The following EPC2 variants were observed in gnomAD, a reference collection of about 807,000 sequenced individuals.
EPC2 encodes enhancer of polycomb homolog 2.
EPC2 carries 14 observed loss-of-function variants against 92.1 expected under a neutral mutation model. That is an observed-to-expected ratio of 0.15 (90% CI 0.10 to 0.24). The LOEUF (loss-of-function observed/expected upper bound fraction) is 0.24, where lower values mean the gene tolerates loss of function less well. Ranked by LOEUF, EPC2 falls within the 10% of genes least tolerant of loss-of-function variation. The probability of loss-of-function intolerance (pLI) is 1.00; values close to 1 mark genes in which losing one functional copy is unlikely to be tolerated. For missense variants in EPC2, 755 were observed against 971.5 expected (o/e 0.78, Z 2.96); for synonymous variants, 340 against 334.7 (o/e 1.02, Z -0.17).
chr2:148,679,433 T>C (rs1200717954), intron 1 of EPC2, among the ~76,000 whole-genome samples: 1 of 152,200 alleles, frequency 6.6e-6, no homozygotes, highest in Non-Finnish European at 1.5e-5. Context: ...AAGCACATGA[T>C]TGCAGAGGCT....
chr2:148,714,218 C>G (rs1682213484), intron 2 of EPC2, among the ~76,000 whole-genome samples: 1 of 152,138 alleles, frequency 6.6e-6, no homozygotes. Flanking sequence ...CAGCTCCATT[C>G]ATGTCCCTGC....
At chr2:148,730,184 A>G (rs551506647) in intron 2 of EPC2, among the ~76,000 whole-genome samples, 1 of 152,328 alleles carries the variant, frequency 6.6e-6, no homozygotes, top group Non-Finnish European at 1.5e-5. Context: ...AGTCTGGAAG[A>G]TTCAACATGA....
chr2:148,775,633 TTTAA>T (rs1032023345), intron 10 of EPC2, among the ~76,000 whole-genome samples: 5 of 10,838 alleles, frequency 4.6e-4, no homozygotes, highest in East Asian at 7.6e-3. Flanking sequence ...ATTAAATATC[TTTAA>T]TTAAATAAAA....
chr2:148,649,047 C>A (rs1680586218), intron 1 of EPC2, among the ~76,000 whole-genome samples: 1 of 152,184 alleles, frequency 6.6e-6, no homozygotes, highest in African/African-American at 2.4e-5. Flanking sequence ...GATCAGGCAG[C>A]CAGCGGTTCT....
At chr2:148,770,695 A>G in intron 8 of EPC2, 97 bp from the exon 9 acceptor site, 4 of 1,240,338 alleles carry the variant, frequency 3.2e-6, no homozygotes, top group Non-Finnish European at 2.1e-6. Flanking sequence ...TTGTTCTGCT[A>G]ATGTTGCAGT....
At chr2:148,704,912 T>C (rs1057334363) in intron 2 of EPC2, among the ~76,000 whole-genome samples, 8 of 151,886 alleles carry the variant, frequency 5.3e-5, no homozygotes, top group Non-Finnish European at 1.0e-4. Context: ...CTTTTTCTTT[T>C]TTTTTTTTCT....
chr2:148,684,665 G>T (rs74637829), intron 1 of EPC2, among the ~76,000 whole-genome samples: 1 of 152,112 alleles, frequency 6.6e-6, no homozygotes, highest in Non-Finnish European at 1.5e-5. Flanking sequence ...AGATACCCAC[G>T]TTGCCTCAAA....
chr2:148,655,021 A>G (rs1337888287), intron 1 of EPC2, among the ~76,000 whole-genome samples: 1 of 152,200 alleles, frequency 6.6e-6, no homozygotes, highest in Non-Finnish European at 1.5e-5. Context: ...TTCTTGGATG[A>G]ACACTTTTGT....
chr2:148,772,272 CTCTT>C (rs1359970555), intron 10 of EPC2, among the ~76,000 whole-genome samples: 2 of 152,046 alleles, frequency 1.3e-5, no homozygotes, highest in African/African-American at 2.4e-5. Flanking sequence ...CTTCTGTGGT[CTCTT>C]TATCACATGT....
intron 10 of EPC2, among the ~76,000 whole-genome samples, chr2:148,777,579 C>T (rs1274676991): frequency 1.3e-5 from 2 of 152,124 alleles, no homozygotes; most frequent in Non-Finnish European, 2.9e-5. Context: ...CCTGTGGGCA[C>T]AAGCTTGAGA....
rs551755231 is a variant in EPC2, at chr2:148,783,516, C to T, written c.1858-81C>T. 6.7e-6 allele frequency: 9 copies of T among 1,336,896 alleles called. No individual in the cohort carries two copies. In the Admixed American group the frequency reaches 1.1e-4, roughly 16 times the overall value. 82.8% of individuals were successfully genotyped at this position (1,336,896 alleles called of 1,614,324 possible). ...TGTTCAAGGTTAGAAAGGCAACAGCCTCTTGGGTTTGCCCCATCCCTTAAT... is the reference window on the plus strand; with the variant it reads ...TGTTCAAGGTTAGAAAGGCAACAGCTTCTTGGGTTTGCCCCATCCCTTAAT... On this transcript the variant is annotated intron_variant, in intron 11 of 13. Coordinates refer to ENST00000258484, the MANE Select transcript of EPC2 (RefSeq NM_015630.4).
rs554460223 is a variant in EPC2 at position 148,664,390 on chromosome 2, C to T, written c.153+19220C>T. 2.6e-4 allele frequency among the ~76,000 whole-genome samples: 40 copies of T among 152,142 alleles called. 1 individual carries two copies. In the South Asian group the frequency reaches 7.5e-3, roughly 28 times the overall value. Reference sequence around the variant, plus strand: ...GCTGTGTGCTGTAGTCCCAGCTACTCGGGAGGCTGAGGTGCAAGGATCACT... The same window carrying T: ...GCTGTGTGCTGTAGTCCCAGCTACTTGGGAGGCTGAGGTGCAAGGATCACT... On this transcript the variant is annotated intron_variant, in intron 1 of 13. Transcript: ENST00000258484.
Position 148,781,778 on chromosome 2 carries a change from C to G in EPC2, c.1855C>G (p.Gln619Glu), listed in dbSNP as rs747887249. The stretch of plus-strand genomic sequence containing the variant: ...CTCGCAACAGACACATCCAAAAGCA[C>G]AGGTAAACTGCTCTTTTCGTCATAG... Reference protein sequence around the residue: ...HSSQQTHPKAQGSSTSDCMSK... With the variant: ...HSSQQTHPKAEGSSTSDCMSK... The change falls in exon 11 of 14, where the codon CAG (glutamine) becomes GAG (glutamate). Residue 619 changes from glutamine (Q) to glutamate (E), a missense_variant and splice_region_variant. By Grantham distance (29) the Gln-to-Glu change is conservative (BLOSUM62 2). Transcript: ENST00000258484. The G allele has an allele frequency of 2.5e-6, 4 of 1,613,472 alleles. No homozygotes were observed. In the Admixed American group the frequency reaches 6.7e-5, roughly 27 times the overall value.
chr2:148,713,527 A>C (rs187630637), intron 2 of EPC2, among the ~76,000 whole-genome samples: 1 of 152,290 alleles, frequency 6.6e-6, no homozygotes, highest in African/African-American at 2.4e-5. Context: ...AATTTTTTTT[A>C]AGTTTAGTGT....
At chr2:148,777,999 C>T (rs897147840) in intron 10 of EPC2, among the ~76,000 whole-genome samples, 24 of 152,236 alleles carry the variant, frequency 1.6e-4, no homozygotes, top group African/African-American at 5.8e-4. Flanking sequence ...AATCCTGTAA[C>T]AAGTATGCCA....
At chr2:148,663,196 A>T (rs199777812) in intron 1 of EPC2, among the ~76,000 whole-genome samples, 2 of 93,022 alleles carry the variant, frequency 2.2e-5, no homozygotes, top group Non-Finnish European at 4.2e-5. Context: ...GTGTTTTTGT[A>T]TTATTATTAT....
chr2:148,777,039 T>G (rs1231679841), intron 10 of EPC2, among the ~76,000 whole-genome samples: 1 of 151,942 alleles, frequency 6.6e-6, no homozygotes, highest in East Asian at 1.9e-4. Context: ...TTTTTATTTT[T>G]AGGAGAGACG....
intron 7 of EPC2, among the ~76,000 whole-genome samples, 156 bp downstream of exon 7, chr2:148,765,302 G>T (rs1016909921): frequency 6.6e-6 from 1 of 152,046 alleles, no homozygotes; most frequent in Non-Finnish European, 1.5e-5. Flanking sequence ...CCACTGAAAT[G>T]GTATTTACTC....
intron 1 of EPC2, among the ~76,000 whole-genome samples, chr2:148,679,255 A>T (rs1681341182): frequency 1.3e-5 from 2 of 152,198 alleles, no homozygotes; most frequent in South Asian, 4.1e-4. Context: ...CTTTATACTA[A>T]CACTCTTCTC....
Sources: allele counts gnomAD v4.1 joint callset (sites outside exome capture counted in the v4.1 genomes callset), GRCh38; gene constraint gnomAD v4.1.1; transcripts MANE v1.5; gene names NCBI Gene and HGNC (gene_info 2026-07-23, HGNC 2026-07-21).